The following MACROD2 variants were observed in gnomAD, a reference collection of about 807,000 sequenced individuals.
MACROD2 encodes the protein mono-ADP ribosylhydrolase 2, also known as ADP-ribose glycohydrolase MACROD2.
MACROD2 carries 36 observed loss-of-function variants against 70.4 expected under a neutral mutation model. That is an observed-to-expected ratio of 0.51 (90% CI 0.39 to 0.68). The LOEUF (loss-of-function observed/expected upper bound fraction) is 0.68. Among genes scored for constraint, MACROD2 ranks in the 30% least tolerant of loss-of-function variants. The pLI, the probability that MACROD2 is intolerant of heterozygous loss-of-function variation, is 0.00. For synonymous variants in MACROD2, 172 were observed against 178.8 expected, an observed-to-expected ratio of 0.96 and a Z score of 0.30; for missense variants, 496 against 538.4, an observed-to-expected ratio of 0.92 and a Z score of 0.78.
chr20:14,275,156 A>G (rs1393983810), intron 3 of MACROD2, among the ~76,000 whole-genome samples: 2 of 151,974 alleles, frequency 1.3e-5, no homozygotes, highest in Admixed American at 6.6e-5. Context: ...GAACCAAAAA[A>G]GAGCCCGCAT....
At chr20:15,695,411 CTT>C (rs375119900) in intron 8 of MACROD2, among the ~76,000 whole-genome samples, 23 of 115,172 alleles carry the variant, frequency 2.0e-4, no homozygotes, top group Non-Finnish European at 2.0e-4. Flanking sequence ...TCTTCTTCTT[CTT>C]TTTTTTTTTT....
intron 5 of MACROD2, among the ~76,000 whole-genome samples, chr20:15,160,743 T>A (rs2076342749): frequency 1.3e-5 from 2 of 152,134 alleles, no homozygotes; most frequent in African/African-American, 4.8e-5. Flanking sequence ...TAGTATTTTT[T>A]AAATATGTAT....
chr20:14,603,745 C>A (rs1982635337), intron 4 of MACROD2, among the ~76,000 whole-genome samples: 1 of 152,126 alleles, frequency 6.6e-6, no homozygotes, highest in South Asian at 2.1e-4. Flanking sequence ...TTATTGTCAT[C>A]AATATTTCAC....
intron 3 of MACROD2, among the ~76,000 whole-genome samples, chr20:14,267,661 T>C (rs1306073819): frequency 3.3e-5 from 5 of 152,118 alleles, no homozygotes; most frequent in African/African-American, 1.2e-4. Flanking sequence ...GGTCTTACCA[T>C]GTGTCTACTC....
intron 4 of MACROD2, among the ~76,000 whole-genome samples, chr20:14,626,413 G>A (rs1463696420): frequency 6.6e-6 from 1 of 152,130 alleles, no homozygotes; most frequent in Non-Finnish European, 1.5e-5. Flanking sequence ...TTACAGTGCT[G>A]TATTCCCAGT....
At chr20:15,390,553 G>A (rs2045778914) in intron 6 of MACROD2, among the ~76,000 whole-genome samples, 1 of 152,098 alleles carries the variant, frequency 6.6e-6, no homozygotes, top group Non-Finnish European at 1.5e-5. Context: ...AAACATAGAT[G>A]CAGAATGGAA....
intron 8 of MACROD2, among the ~76,000 whole-genome samples, chr20:15,526,970 T>C (rs540321321): frequency 1.3e-5 from 2 of 152,348 alleles, no homozygotes; most frequent in South Asian, 4.1e-4. Flanking sequence ...TCACCACGTA[T>C]TGGAAATGAG....
intron 5 of MACROD2, among the ~76,000 whole-genome samples, chr20:14,750,081 C>T (rs2071850345): frequency 6.6e-6 from 1 of 152,082 alleles, no homozygotes; most frequent in African/African-American, 2.4e-5. Context: ...GTGTTTTAAT[C>T]ACAATTTTCA....
chr20:14,277,331 C>T (rs185665132), intron 3 of MACROD2, among the ~76,000 whole-genome samples: 1 of 152,274 alleles, frequency 6.6e-6, no homozygotes, highest in African/African-American at 2.4e-5. Flanking sequence ...ACCTGTAGTC[C>T]CAGCTACTCG....
intron 3 of MACROD2, among the ~76,000 whole-genome samples, chr20:14,468,880 CTT>C (rs2084492643): frequency 6.6e-6 from 1 of 152,208 alleles, no homozygotes; most frequent in South Asian, 2.1e-4. Flanking sequence ...GGTCTTGACT[CTT>C]TATCCAATTT....
At chr20:14,744,667 C>G (rs2071776856) in intron 5 of MACROD2, among the ~76,000 whole-genome samples, 1 of 152,086 alleles carries the variant, frequency 6.6e-6, no homozygotes, top group Non-Finnish European at 1.5e-5. Flanking sequence ...AGAACAGTGT[C>G]AAAAATGGCT....
At chr20:15,990,395 C>A (rs2066541700) in intron 15 of MACROD2, among the ~76,000 whole-genome samples, 1 of 152,082 alleles carries the variant, frequency 6.6e-6, no homozygotes, top group Non-Finnish European at 1.5e-5. Context: ...AAAATCTTAA[C>A]TATATCAACA....
chr20:15,696,635 GA>G (rs1398662558), intron 8 of MACROD2, among the ~76,000 whole-genome samples: 1 of 147,400 alleles, frequency 6.8e-6, no homozygotes, highest in Non-Finnish European at 1.5e-5. Flanking sequence ...ATTCTTTTTT[GA>G]ATGTCTGGTA....
chr20:14,608,440 A>G (rs1319599923), intron 4 of MACROD2, among the ~76,000 whole-genome samples: 1 of 152,184 alleles, frequency 6.6e-6, no homozygotes, highest in Non-Finnish European at 1.5e-5. Flanking sequence ...TCTCATTCCA[A>G]GTTAGCCCTA....
intron 5 of MACROD2, among the ~76,000 whole-genome samples, chr20:14,996,013 T>C (rs1177559849): frequency 1.3e-5 from 2 of 152,216 alleles, no homozygotes. Context: ...TCAATACTGC[T>C]GATCTTTAGA....
At chr20:15,816,522 G>A (rs920648147) in intron 8 of MACROD2, among the ~76,000 whole-genome samples, 3 of 152,012 alleles carry the variant, frequency 2.0e-5, no homozygotes, top group Non-Finnish European at 4.4e-5. Flanking sequence ...AGCAATACAC[G>A]TTGCAGTCAC....
chr20:16,049,473 A>T (rs937198155), intron 17 of MACROD2, among the ~76,000 whole-genome samples: 2 of 152,198 alleles, frequency 1.3e-5, no homozygotes, highest in African/African-American at 4.8e-5. Flanking sequence ...TATTATTTAT[A>T]TGCTGATCCC....
At position 15,101,367 on chromosome 20, in the gene MACROD2, C is replaced by T. The variant is rs201089816; in HGVS notation, c.419-128573C>T. Among the ~76,000 whole-genome samples, 5 of 151,776 alleles carry T rather than the reference C, an allele frequency of 3.3e-5. No individual in the cohort carries two copies. In the East Asian group the frequency reaches 9.6e-4, roughly 29 times the overall value. ...TACACAGTTTAGTTTAGTTCATCTGCAGATCCTTCTATTTTTGATTTATTT... is the reference window on the plus strand; with the variant it reads ...TACACAGTTTAGTTTAGTTCATCTGTAGATCCTTCTATTTTTGATTTATTT... On this transcript the variant is annotated intron_variant, in intron 5 of 17. Transcript: ENST00000684519.
At chr20:14,190,891 T>A (rs1287844291) in intron 3 of MACROD2, among the ~76,000 whole-genome samples, 7 of 150,812 alleles carry the variant, frequency 4.6e-5, no homozygotes, top group Admixed American at 4.6e-4. Context: ...GTATTTTTAG[T>A]AGAGACAGGG....
Sources: gnomAD v4.1 joint callset for allele counts (sites outside exome capture counted in the v4.1 genomes callset) on GRCh38, gnomAD v4.1.1 for gene constraint, MANE v1.5 for transcripts, NCBI Gene and HGNC (gene_info 2026-07-23, HGNC 2026-07-21) for gene names.